Variants in RABEP1 observed in about 807,000 individuals in gnomAD.
The protein encoded by RABEP1 is rab GTPase-binding effector protein 1.
A neutral mutation model predicts 123.4 loss-of-function variants in RABEP1; 51 were observed. The ratio of observed to expected loss-of-function variants is 0.41; its 90% CI spans 0.33 to 0.52. RABEP1 has a LOEUF of 0.52. RABEP1 is among the 20% of genes least tolerant of loss of function. The pLI is 0.16. For missense variants in RABEP1, 888 were observed against 996.3 expected (o/e 0.89, Z 1.46); for synonymous variants, 347 against 355.2 (o/e 0.98, Z 0.26).
intron 12 of RABEP1, among the ~76,000 whole-genome samples, chr17:5,370,475 A>C (rs1224371057): frequency 1.3e-5 from 2 of 152,182 alleles, no homozygotes; most frequent in Admixed American, 6.5e-5. Flanking sequence ...ATCAGTGATC[A>C]CATATTTCAT....
chr17:5,304,413 C>G (rs1377535292), intron 1 of RABEP1, among the ~76,000 whole-genome samples: 1 of 151,622 alleles, frequency 6.6e-6, no homozygotes, highest in Non-Finnish European at 1.5e-5. Context: ...AGCCCTGTCT[C>G]TACTAAAAAT....
intron 12 of RABEP1, among the ~76,000 whole-genome samples, chr17:5,369,167 CTG>C (rs1005325100): frequency 2.0e-5 from 3 of 151,952 alleles, no homozygotes; most frequent in African/African-American, 4.8e-5. Flanking sequence ...AAACATGTAA[CTG>C]TTGTGGTGCT....
chr17:5,380,301 T>A (rs899880721), intron 15 of RABEP1, 63 bp from the exon 16 acceptor site: 1 of 1,125,288 alleles, frequency 8.9e-7, no homozygotes, highest in Non-Finnish European at 1.3e-6. Flanking sequence ...CTAGGCTCTT[T>A]TAGGTAGTGC....
At chr17:5,320,581 A>T (rs988106044) in intron 2 of RABEP1, among the ~76,000 whole-genome samples, 2 of 152,212 alleles carry the variant, frequency 1.3e-5, no homozygotes, top group Non-Finnish European at 2.9e-5. Context: ...ATTCAGAGAT[A>T]GGTAATGTAG....
At chr17:5,283,424 G>A (rs1395821232) in intron 1 of RABEP1, among the ~76,000 whole-genome samples, 2 of 152,114 alleles carry the variant, frequency 1.3e-5, no homozygotes, top group African/African-American at 2.4e-5. Context: ...CTGGGAAATT[G>A]GACTAAGCTG....
intron 8 of RABEP1, 153 bp from the exon 9 acceptor site, chr17:5,361,055 G>T: frequency 1.4e-6 from 1 of 703,464 alleles, no homozygotes; most frequent in South Asian, 1.9e-5. Flanking sequence ...CCAGCATGTA[G>T]AAATGACACT....
At chr17:5,335,555 A>G (rs1392641830) in intron 4 of RABEP1, among the ~76,000 whole-genome samples, 4 of 152,084 alleles carry the variant, frequency 2.6e-5, no homozygotes, top group African/African-American at 9.7e-5. Flanking sequence ...TCACTACTTC[A>G]TGGGGTTTTT....
chr17:5,320,179 A>T (rs2075339258), intron 2 of RABEP1, among the ~76,000 whole-genome samples: 1 of 152,154 alleles, frequency 6.6e-6, no homozygotes, highest in Non-Finnish European at 1.5e-5. Flanking sequence ...GTTTGTCAAC[A>T]GACTTCTTAG....
chr17:5,338,226 A>C, intron 5 of RABEP1, 88 bp downstream of exon 5: 2 of 1,419,854 alleles, frequency 1.4e-6, no homozygotes, highest in Non-Finnish European at 1.9e-6. Flanking sequence ...TAGGGAAAAA[A>C]ACCTGTAATT....
chr17:5,368,102 C>T (rs1266414964), intron 11 of RABEP1, among the ~76,000 whole-genome samples: 3 of 152,010 alleles, frequency 2.0e-5, no homozygotes, highest in Non-Finnish European at 2.9e-5. Flanking sequence ...AACTAGGTCA[C>T]GTGAGTTACT....
intron 12 of RABEP1, among the ~76,000 whole-genome samples, chr17:5,368,731 A>G (rs1910293306): frequency 6.6e-6 from 1 of 152,240 alleles, no homozygotes; most frequent in Non-Finnish European, 1.5e-5. Context: ...AGAATAAACT[A>G]TGGACCTAAT....
intron 1 of RABEP1, among the ~76,000 whole-genome samples, chr17:5,293,797 C>T (rs187046783): frequency 7.2e-4 from 110 of 152,184 alleles, no homozygotes; most frequent in African/African-American, 2.5e-3. Flanking sequence ...TGTTCTCTGT[C>T]GCAAAATCAA....
intron 2 of RABEP1, among the ~76,000 whole-genome samples, chr17:5,327,478 A>G (rs538591074): frequency 8.5e-5 from 13 of 152,268 alleles, no homozygotes; most frequent in African/African-American, 2.6e-4. Flanking sequence ...TTCAGCCCCT[A>G]TAATCTCATG....
intron 3 of RABEP1, 61 bp from the exon 4 acceptor site, chr17:5,335,123 T>G: frequency 7.1e-7 from 1 of 1,411,118 alleles, no homozygotes. Flanking sequence ...AAAAATTTAG[T>G]GTGCCAGGTT....
intron 2 of RABEP1, 123 bp from the exon 3 acceptor site, chr17:5,331,826 C>T (rs1906572638): frequency 6.3e-6 from 5 of 798,044 alleles, no homozygotes; most frequent in Middle Eastern, 3.7e-4. Flanking sequence ...TTAAATCTCA[C>T]CTCTATTAAA....
chr17:5,331,899 A>C (rs1232960349), intron 2 of RABEP1, 50 bp from the exon 3 acceptor site: 1 of 1,513,126 alleles, frequency 6.6e-7, no homozygotes, highest in African/African-American at 1.4e-5. Context: ...TTGGAATGCC[A>C]GTCTGATCAA....
At chr17:5,373,255 A>G (rs1291054943) in intron 12 of RABEP1, 59 bp from the exon 13 acceptor site, 7 of 1,528,830 alleles carry the variant, frequency 4.6e-6, no homozygotes, top group Non-Finnish European at 6.2e-6. Flanking sequence ...TCTCTGGTGT[A>G]GCTATCACCA....
intron 8 of RABEP1, among the ~76,000 whole-genome samples, chr17:5,356,906 G>T (rs566228666): frequency 6.6e-6 from 1 of 151,786 alleles, no homozygotes; most frequent in East Asian, 1.9e-4. Context: ...TTGAGACAGG[G>T]TCTCACTTTC....
intron 1 of RABEP1, among the ~76,000 whole-genome samples, chr17:5,294,625 G>A (rs1042180271): frequency 3.7e-5 from 4 of 108,994 alleles, no homozygotes; most frequent in Admixed American, 1.1e-4. Flanking sequence ...GAGGGAAAAC[G>A]GTATTGTCTT....
Sources: allele counts gnomAD v4.1 joint callset (sites outside exome capture counted in the v4.1 genomes callset), GRCh38; gene constraint gnomAD v4.1.1; transcripts MANE v1.5; gene names NCBI Gene and HGNC (gene_info 2026-07-23, HGNC 2026-07-21).